Variants in SLC1A6 observed in about 807,000 individuals in gnomAD.
SLC1A6 encodes excitatory amino acid transporter 4.
Under a neutral mutation model 42.1 loss-of-function variants are expected in SLC1A6, and 15 were observed. The observed-to-expected ratio is 0.36, with a 90% CI of 0.24 to 0.55. SLC1A6 has a LOEUF of 0.55. Among genes scored for constraint, SLC1A6 ranks in the 20% least tolerant of loss-of-function variants. SLC1A6 has a pLI of 0.88. For synonymous variants in SLC1A6, 317 were observed against 319.7 expected, an observed-to-expected ratio of 0.99 and a Z score of 0.09; for missense variants, 542 against 772.5, an observed-to-expected ratio of 0.70 and a Z score of 3.54.
intron 3 of SLC1A6, among the ~76,000 whole-genome samples, chr19:14,969,269 G>A (rs1298858879): frequency 6.6e-6 from 1 of 152,182 alleles, no homozygotes; most frequent in Admixed American, 6.5e-5. Flanking sequence ...CCTTTCCCAA[G>A]CCAATCTGCT....
rs568057780 is a variant in SLC1A6, at chr19:14,972,800, C to T, written c.111G>A (p.Thr37=). The change falls in exon 2 of 10, where the codon ACG becomes ACA. Residue 37 remains threonine (T), a synonymous_variant. Coordinates refer to ENST00000594383, the MANE Select transcript of SLC1A6 (RefSeq NM_005071.3). ...QESLQQRALR[T]RLRLQTMTLE... ...GGGTCATGGTCTGCAGGCGCAGGCG[C>T]GTGCGCAGTGCTCTCTGCTGCAGGC... 5.0e-6 allele frequency: 8 copies of T among 1,612,916 alleles called. No homozygotes were observed. The highest frequency in any genetic ancestry group is 3.3e-5 in the Admixed American group (2 of 59,888).
At chr19:14,959,536 A>G (rs913213172) in intron 6 of SLC1A6, among the ~76,000 whole-genome samples, 1 of 152,232 alleles carries the variant, frequency 6.6e-6, no homozygotes, top group Non-Finnish European at 1.5e-5. Context: ...GGGAACAAGC[A>G]TTCTGTTTCT....
chr19:15,008,980 G>T (rs2045910158), intron 1 of SLC1A6, among the ~76,000 whole-genome samples: 1 of 151,342 alleles, frequency 6.6e-6, no homozygotes, highest in Non-Finnish European at 1.5e-5. Context: ...TGGGAAATTG[G>T]AGTGAGATCT....
chr19:15,009,680 T>G (rs1234384495), intron 1 of SLC1A6, among the ~76,000 whole-genome samples: 1 of 152,122 alleles, frequency 6.6e-6, no homozygotes, highest in Non-Finnish European at 1.5e-5. Context: ...TGGGTGATGA[T>G]TGCACTAAAA....
intron 3 of SLC1A6, among the ~76,000 whole-genome samples, chr19:14,970,991 G>T (rs549364885): frequency 2.6e-5 from 4 of 152,128 alleles, no homozygotes; most frequent in African/African-American, 7.2e-5. Context: ...TTAGCTGGGC[G>T]TGTTGGTGCG....
At chr19:14,952,415 GCA>G (rs2045421983) in intron 9 of SLC1A6, among the ~76,000 whole-genome samples, 1 of 151,610 alleles carries the variant, frequency 6.6e-6, no homozygotes, top group Non-Finnish European at 1.5e-5. Context: ...AATTAGCCAG[GCA>G]TGGTGGCGGG....
intron 8 of SLC1A6, 88 bp from the exon 9 acceptor site, chr19:14,953,150 A>T: frequency 1.0e-6 from 1 of 1,000,890 alleles, no homozygotes; most frequent in Non-Finnish European, 1.5e-6. Flanking sequence ...AAGGGAAGAG[A>T]TCAGCTCCCC....
chr19:14,964,015 CAG>C (rs1025191547), intron 5 of SLC1A6: 3 of 202,400 alleles, frequency 1.5e-5, no homozygotes, highest in Non-Finnish European at 2.9e-5. Context: ...TTTTGAAAGA[CAG>C]AGAGTCTCAT....
In SLC1A6 at chr19:14,964,888, C is replaced by T. The variant is rs1473724431; in HGVS notation, c.549-527G>A. ...CCACAATGAGATAACCACCTTAACC[C>T]CAGCTAGAACAGCCATCATTAAAGA... On this transcript the variant is annotated intron_variant, in intron 4 of 9. Coordinates refer to ENST00000594383, the MANE Select transcript of SLC1A6 (RefSeq NM_005071.3). Among the ~76,000 whole-genome samples, 3 of 152,146 alleles carry T rather than the reference C, an allele frequency of 2.0e-5. No homozygotes were observed. The East Asian group carries it at 5.8e-4, about 29-fold the overall frequency.
chr19:14,986,951 G>A (rs752603508), intron 1 of SLC1A6, among the ~76,000 whole-genome samples: 4 of 152,236 alleles, frequency 2.6e-5, no homozygotes, highest in Non-Finnish European at 4.4e-5. Context: ...GTGCTGCTGC[G>A]TTGATTCACG....
intron 5 of SLC1A6, among the ~76,000 whole-genome samples, chr19:14,962,943 C>G (rs1460101720): frequency 1.3e-5 from 2 of 152,098 alleles, no homozygotes; most frequent in African/African-American, 2.4e-5. Context: ...GACCAGCAAT[C>G]CCACTACTGT....
At chr19:14,955,106 C>A (rs1245181165) in intron 7 of SLC1A6, among the ~76,000 whole-genome samples, 1 of 152,018 alleles carries the variant, frequency 6.6e-6, no homozygotes, top group Non-Finnish European at 1.5e-5. Flanking sequence ...GTCCACAAGG[C>A]GTGTGTTCTG....
chr19:14,956,417 G>A, intron 7 of SLC1A6, 59 bp downstream of exon 7: 1 of 1,118,518 alleles, frequency 8.9e-7, no homozygotes, highest in Non-Finnish European at 1.3e-6. Context: ...CTTAGGAGAG[G>A]ACATGAAGGA....
At chr19:15,008,389 A>T (rs1457967092) in intron 1 of SLC1A6, among the ~76,000 whole-genome samples, 1 of 151,024 alleles carries the variant, frequency 6.6e-6, no homozygotes, top group African/African-American at 2.5e-5. Context: ...CTATTATTTT[A>T]AAAGTAAAAA....
At position 14,979,050 on chromosome 19, in the gene SLC1A6, TCACACACACACA is replaced by T. The variant is rs56317513; in HGVS notation, c.-8+247_-8+258del. ...CAAATTCAGTCTCTCTCTCTCTCTG[TCACACACACACA>T]CACACACACACACACACACACACAC... On this transcript the variant is annotated intron_variant, in intron 1 of 9. Coordinates refer to ENST00000594383, the MANE Select transcript of SLC1A6 (RefSeq NM_005071.3). This position sits in a 1 kb window ranked among gnomAD's most constrained non-coding sequence, Gnocchi z 4.2. 0.19 allele frequency among the ~76,000 whole-genome samples: 24,942 copies of T among 131,362 alleles called. 2,538 individuals carry two copies. The highest frequency in any genetic ancestry group is 0.27 in the South Asian group (963 of 3,596). 86.2% of individuals were successfully genotyped at this position (131,362 alleles called of 152,430 possible).
At chr19:14,958,201 A>G (rs1013452152) in intron 6 of SLC1A6, among the ~76,000 whole-genome samples, 1 of 152,120 alleles carries the variant, frequency 6.6e-6, no homozygotes, top group Non-Finnish European at 1.5e-5. Flanking sequence ...ACTTGAGGTC[A>G]GGAGTTCGAG....
rs768340095 is a variant in SLC1A6 at position 14,972,783 on chromosome 19, G to T, written c.128C>A (p.Thr43Asn). Residue 43 changes from threonine (T) to asparagine (N), a missense_variant, in exon 2 of 10, where the codon ACC becomes AAC. By Grantham distance (65) the Thr-to-Asn change is moderately conservative (BLOSUM62 0). This residue lies in a region of SLC1A6 where 88 missense variants were observed against 85.5 expected (regional missense o/e 1.03). Coordinates refer to ENST00000594383, the MANE Select transcript of SLC1A6 (RefSeq NM_005071.3). ...GCGCAGCACGTGCTCGAGGGTCATG[G>T]TCTGCAGGCGCAGGCGCGTGCGCAG... ...RALRTRLRLQ[T>N]MTLEHVLRFL... 6.2e-7 allele frequency: 1 copy of T among 1,613,822 alleles called. No homozygotes were observed. The highest frequency in any genetic ancestry group is 8.5e-7 in the Non-Finnish European group (1 of 1,179,974).
intron 1 of SLC1A6, among the ~76,000 whole-genome samples, chr19:14,994,716 C>A (rs2045836746): frequency 6.6e-6 from 1 of 152,188 alleles, no homozygotes; most frequent in Admixed American, 6.5e-5. Flanking sequence ...AAGCTGGGAG[C>A]TGCTTAGGGC....
intron 1 of SLC1A6, among the ~76,000 whole-genome samples, chr19:15,007,405 C>T (rs182459720): frequency 6.5e-4 from 99 of 152,156 alleles, no homozygotes; most frequent in Admixed American, 1.6e-3. Context: ...TGAGAGTGAG[C>T]GCTCGTGGGG....
Sources: allele counts gnomAD v4.1 joint callset (sites outside exome capture counted in the v4.1 genomes callset), GRCh38; gene constraint gnomAD v4.1.1; regional missense constraint gnomAD v4.1.1; non-coding constraint Gnocchi (gnomAD v3.1); transcripts MANE v1.5; gene names NCBI Gene and HGNC (gene_info 2026-07-23, HGNC 2026-07-21).